The following EYS variants were observed in gnomAD, a reference collection of about 807,000 sequenced individuals.
The protein encoded by EYS is EGF-like photoreceptor maintenance factor, also known as protein eyes shut homolog.
EYS carries 250 observed loss-of-function variants against 282.1 expected under a neutral mutation model. That is an observed-to-expected ratio of 0.89 (90% CI 0.80 to 0.98). The LOEUF is 0.98. EYS is among the 50% of genes least tolerant of loss of function. The probability of loss-of-function intolerance (pLI) is 0.00; values close to 1 mark genes in which losing one functional copy is unlikely to be tolerated. For synonymous variants in EYS, 1,355 were observed against 1,282.9 expected (o/e 1.06, Z -1.20); for missense variants, 4,016 against 3,709.0 (o/e 1.08, Z -2.15).
intron 36 of EYS, among the ~76,000 whole-genome samples, chr6:63,824,693 CAAGTT>C (rs1484205176): frequency 2.0e-5 from 3 of 152,092 alleles, no homozygotes; most frequent in Non-Finnish European, 4.4e-5. Context: ...GGAGCCAAGT[CAAGTT>C]AGAGAGCCGA....
intron 40 of EYS, among the ~76,000 whole-genome samples, chr6:63,775,334 G>A (rs1770039195): frequency 6.6e-6 from 1 of 152,166 alleles, no homozygotes; most frequent in Non-Finnish European, 1.5e-5. Flanking sequence ...GGAGCATTTT[G>A]AGTTGTTGTT....
At chr6:63,963,858 T>G (rs146486634) in intron 35 of EYS, among the ~76,000 whole-genome samples, 1 of 152,212 alleles carries the variant, frequency 6.6e-6, no homozygotes, top group East Asian at 1.9e-4. Flanking sequence ...TGAGCACCTA[T>G]AAGATCTATG....
chr6:64,181,410 T>C (rs1764784328), intron 31 of EYS, among the ~76,000 whole-genome samples: 1 of 152,166 alleles, frequency 6.6e-6, no homozygotes, highest in African/African-American at 2.4e-5. Flanking sequence ...TGTTTTGTCC[T>C]GAATATATTC....
intron 18 of EYS, among the ~76,000 whole-genome samples, chr6:64,891,259 A>G (rs1174161692): frequency 6.6e-6 from 1 of 152,102 alleles, no homozygotes; most frequent in Non-Finnish European, 1.5e-5. Context: ...ACCACACTAA[A>G]CAATATGAGG....
In EYS at chr6:64,591,707, C is replaced by T. The variant is rs1490023696; in HGVS notation, c.4160G>A (p.Arg1387Lys). The T allele has an allele frequency of 3.0e-5, 47 of 1,551,168 alleles. No individual in the cohort carries two copies. The highest frequency in any genetic ancestry group is 4.0e-5 in the Non-Finnish European group (46 of 1,146,762). Residue 1387 changes from arginine (R) to lysine (K), a missense_variant, in exon 26 of 43, where the codon AGG becomes AAG. By Grantham distance (26) the Arg-to-Lys change is conservative. Transcript: ENST00000503581. ...AATLGFFFPD[R>K]RARTPFIMSS... ...CATGATAAATGGGGTCCTTGCTCTC[C>T]TATCAGGAAAAAAGAAACCTAGTGT...
At chr6:63,867,937 A>G (rs1047014786) in intron 35 of EYS, among the ~76,000 whole-genome samples, 2 of 152,296 alleles carry the variant, frequency 1.3e-5, no homozygotes, top group South Asian at 2.1e-4. Context: ...TATTCTCTCC[A>G]GAGTGAAAGC....
chr6:65,475,318 C>T (rs1402392881), intron 5 of EYS, among the ~76,000 whole-genome samples: 1 of 152,056 alleles, frequency 6.6e-6, no homozygotes, highest in South Asian at 2.1e-4. Flanking sequence ...GATAAAAGAG[C>T]TACTGCTTTT....
chr6:63,839,239 G>T (rs1239029106), intron 36 of EYS, among the ~76,000 whole-genome samples: 2 of 152,068 alleles, frequency 1.3e-5, no homozygotes, highest in Non-Finnish European at 2.9e-5. Context: ...TCAGCCTTTA[G>T]TAATCACTAT....
intron 12 of EYS, among the ~76,000 whole-genome samples, chr6:65,111,680 T>G (rs1308528287): frequency 6.6e-6 from 1 of 152,092 alleles, no homozygotes; most frequent in Non-Finnish European, 1.5e-5. Flanking sequence ...AAGCCCCATC[T>G]CTACTAAAAG....
At chr6:64,794,665 C>G (rs1412013475) in intron 22 of EYS, among the ~76,000 whole-genome samples, 1 of 152,124 alleles carries the variant, frequency 6.6e-6, no homozygotes, top group South Asian at 2.1e-4. Context: ...CAGTGTTCAT[C>G]AACAAATGAA....
At chr6:64,737,371 A>G (rs1301598814) in intron 22 of EYS, among the ~76,000 whole-genome samples, 1 of 152,328 alleles carries the variant, frequency 6.6e-6, no homozygotes, top group Non-Finnish European at 1.5e-5. Flanking sequence ...TTATGATGTT[A>G]TATAACGGTC....
At chr6:64,636,547 A>G (rs1448344578) in intron 22 of EYS, among the ~76,000 whole-genome samples, 1 of 152,202 alleles carries the variant, frequency 6.6e-6, no homozygotes, top group African/African-American at 2.4e-5. Flanking sequence ...CTTCATGTCT[A>G]AAACACCAAA....
At chr6:65,371,741 C>CTCTGTGTGTG (rs1335075948) in intron 8 of EYS, among the ~76,000 whole-genome samples, 2 of 70,244 alleles carry the variant, frequency 2.8e-5, no homozygotes, top group African/African-American at 6.0e-5. Flanking sequence ...CTCTCTCTCT[C>CTCTGTGTGTG]TGTGTGTGTG....
intron 1 of EYS, among the ~76,000 whole-genome samples, chr6:65,698,364 T>C (rs764468395): frequency 6.6e-6 from 1 of 152,190 alleles, no homozygotes; most frequent in Non-Finnish European, 1.5e-5. Flanking sequence ...AATAAAAGTA[T>C]TTGTAGCTAA....
chr6:64,551,098 T>C (rs1288532382), intron 26 of EYS, among the ~76,000 whole-genome samples: 1 of 150,892 alleles, frequency 6.6e-6, no homozygotes, highest in African/African-American at 2.4e-5. Context: ...TAACATATAA[T>C]TTAAATGATA....
chr6:64,943,808 C>T (rs1009212348), intron 15 of EYS, among the ~76,000 whole-genome samples: 1 of 152,018 alleles, frequency 6.6e-6, no homozygotes, highest in Non-Finnish European at 1.5e-5. Context: ...TTCAACGTAT[C>T]AACCTACGAA....
chr6:63,721,888 A>G lies in EYS; in HGVS notation c.8234-91T>C. ...TTTCTGGCCAAGTTGGATAAGTTTT[A>G]GTTATGGGGAAAAAAGTAACAGATC... On this transcript the variant is annotated intron_variant, in intron 42 of 42. Coordinates refer to ENST00000503581, the MANE Select transcript of EYS (RefSeq NM_001142800.2). 5.8e-6 allele frequency: 7 copies of G among 1,212,894 alleles called. No homozygotes were observed. In the South Asian group the frequency reaches 9.7e-5, roughly 17 times the overall value. 75.1% of individuals were successfully genotyped at this position (1,212,894 alleles called of 1,614,324 possible).
At chr6:64,206,552 T>G (rs1167664907) in intron 31 of EYS, among the ~76,000 whole-genome samples, 4 of 152,196 alleles carry the variant, frequency 2.6e-5, no homozygotes, top group African/African-American at 9.7e-5. Context: ...AGAATTGATT[T>G]TCTTGTCATG....
At chr6:65,587,086 GAGA>G (rs1765076008) in intron 2 of EYS, among the ~76,000 whole-genome samples, 1 of 151,936 alleles carries the variant, frequency 6.6e-6, no homozygotes, top group Non-Finnish European at 1.5e-5. Flanking sequence ...GGCTACCATT[GAGA>G]AGATGTTTCT....
Sources: gnomAD v4.1 joint callset for allele counts (sites outside exome capture counted in the v4.1 genomes callset) on GRCh38, gnomAD v4.1.1 for gene constraint, MANE v1.5 for transcripts, NCBI Gene and HGNC (gene_info 2026-07-23, HGNC 2026-07-21) for gene names.